Variants in OR3A2 observed in about 807,000 individuals in gnomAD.
OR3A2 encodes olfactory receptor 3A2.
For missense variants in OR3A2, 318 were observed against 392.8 expected (o/e 0.81, Z 1.61); for synonymous variants, 126 against 159.3 (o/e 0.79, Z 1.57).
At chr17:3,313,480 G>C (rs1462125290) in intron 3 of OR3A2, among the ~76,000 whole-genome samples, 1 of 152,168 alleles carries the variant, frequency 6.6e-6, no homozygotes, top group African/African-American at 2.4e-5. Flanking sequence ...TGTCTACACT[G>C]CCCCATTAAT....
At position 3,360,773 on chromosome 17, in the gene OR3A2, C is replaced by T. The variant is rs572548309; in HGVS notation, c.-179+23031G>A. ...GAGGGCTCTGTTCTGTTCCATTGGT[C>T]TATATCTCTGTTTTGGTACTAGTAC... On this transcript the variant is annotated intron_variant, in intron 2 of 4. Coordinates refer to the OR3A2 transcript ENST00000573491. 3.5e-4 allele frequency among the ~76,000 whole-genome samples: 53 copies of T among 151,628 alleles called. 3 individuals are homozygous for T. Among genetic ancestry groups the T allele is most frequent in the African/African-American group, 1.3e-3 (53 of 40,982 alleles).
At chr17:3,318,554 TG>T (rs1355990522) in intron 3 of OR3A2, among the ~76,000 whole-genome samples, 64 of 152,204 alleles carry the variant, frequency 4.2e-4, no homozygotes, top group Non-Finnish European at 4.4e-5. Flanking sequence ...AGAACTTCCT[TG>T]TTCTTCCACT....
At chr17:3,310,635 C>T (rs1209703153) in intron 3 of OR3A2, 2 of 541,728 alleles carry the variant, frequency 3.7e-6, no homozygotes, top group Non-Finnish European at 7.6e-6. Flanking sequence ...CTTCTTCCAC[C>T]TCCTGGCTGG....
chr17:3,363,081 A>C (rs231433), intron 2 of OR3A2, among the ~76,000 whole-genome samples: 62,424 of 151,082 alleles, frequency 0.41, 13,544 homozygotes, highest in Admixed American at 0.52. Flanking sequence ...GAGGCTGTGA[A>C]GAAGATCTCT....
chr17:3,284,846 T>C (rs2048798204), upstream of OR3A2, among the ~76,000 whole-genome samples: 1 of 146,694 alleles, frequency 6.8e-6, no homozygotes, highest in Non-Finnish European at 1.5e-5. Context: ...TTCCCAGATA[T>C]CAACCAGGGC....
At chr17:3,362,412 T>A (rs1240199454) in intron 2 of OR3A2, among the ~76,000 whole-genome samples, 1 of 151,720 alleles carries the variant, frequency 6.6e-6, no homozygotes, top group African/African-American at 2.4e-5. Flanking sequence ...TGTGTCTCTA[T>A]CTCCTTCTGT....
chr17:3,373,836 C>T (rs546471000), intron 2 of OR3A2, among the ~76,000 whole-genome samples: 150 of 152,174 alleles, frequency 9.9e-4, no homozygotes, highest in Non-Finnish European at 2.1e-3. Context: ...GTTCATCATG[C>T]TCATTGTTCC....
chr17:3,338,002 G>A (rs536026035), intron 2 of OR3A2, among the ~76,000 whole-genome samples: 2 of 152,202 alleles, frequency 1.3e-5, no homozygotes, highest in African/African-American at 2.4e-5. Flanking sequence ...TTGTGGTTTT[G>A]ATTTGCATTT....
intron 3 of OR3A2, among the ~76,000 whole-genome samples, chr17:3,306,679 C>CAAAAAAAAA (rs71153340): frequency 1.0e-4 from 11 of 109,286 alleles, no homozygotes; most frequent in Non-Finnish European, 1.5e-4. Context: ...TACTACTCTT[C>CAAAAAAAAA]AAAAAAAAAA....
chr17:3,278,248 C>A (rs748048838), exon 2 of OR3A2: 1 of 1,614,194 alleles, frequency 6.2e-7, no homozygotes, highest in East Asian at 2.2e-5. Flanking sequence ...GCAGCTGCCA[C>A]GTGGCTGTAG....
At chr17:3,318,515 C>A (rs975346779) in intron 3 of OR3A2, among the ~76,000 whole-genome samples, 3 of 152,322 alleles carry the variant, frequency 2.0e-5, no homozygotes, top group South Asian at 4.1e-4. Flanking sequence ...CTTATCGAGA[C>A]CGCATTCCTC....
chr17:3,350,383 C>T (rs1438657163), intron 2 of OR3A2, among the ~76,000 whole-genome samples: 160 of 149,168 alleles, frequency 1.1e-3, no homozygotes, highest in Non-Finnish European at 1.6e-3. Context: ...TACAAACTAC[C>T]ATCAGAGAAT....
intron 2 of OR3A2, among the ~76,000 whole-genome samples, chr17:3,371,476 C>G (rs111838952): frequency 7.5e-6 from 1 of 132,926 alleles, no homozygotes; most frequent in Non-Finnish European, 1.6e-5. Flanking sequence ...GGGGGCTGAT[C>G]CCCCCACCTC....
intron 3 of OR3A2, among the ~76,000 whole-genome samples, chr17:3,289,815 G>C (rs1205224642): frequency 6.6e-6 from 1 of 152,162 alleles, no homozygotes; most frequent in Non-Finnish European, 1.5e-5. Context: ...CGGTCTTCTT[G>C]ACCCTGGAAG....
intron 3 of OR3A2, among the ~76,000 whole-genome samples, chr17:3,335,278 T>C (rs1036498313): frequency 2.0e-5 from 3 of 152,196 alleles, no homozygotes; most frequent in East Asian, 1.9e-4. Context: ...CTTGGTTAAC[T>C]TTTCCATAAA....
intron 3 of OR3A2, chr17:3,290,905 T>G (rs184262493): frequency 6.6e-6 from 1 of 152,350 alleles, no homozygotes; most frequent in Admixed American, 6.5e-5. Flanking sequence ...AATTCTTATC[T>G]TTTCAAAAAA....
intron 3 of OR3A2, among the ~76,000 whole-genome samples, chr17:3,326,551 T>C (rs935766265): frequency 6.9e-6 from 1 of 145,850 alleles, no homozygotes; most frequent in Non-Finnish European, 1.5e-5. Context: ...GTCTTTTTTT[T>C]TTCTTCTTTT....
intron 3 of OR3A2, among the ~76,000 whole-genome samples, chr17:3,330,701 A>G (rs1213327372): frequency 6.6e-6 from 1 of 151,874 alleles, no homozygotes; most frequent in Non-Finnish European, 1.5e-5. Flanking sequence ...TGGAGCATTT[A>G]GTCCATTTAC....
chr17:3,326,218 C>A (rs2049170508), intron 3 of OR3A2, among the ~76,000 whole-genome samples: 1 of 152,012 alleles, frequency 6.6e-6, no homozygotes, highest in Admixed American at 6.6e-5. Context: ...GATTCCATGT[C>A]TTTGCTATTA....
Sources: gnomAD v4.1 joint callset for allele counts (sites outside exome capture counted in the v4.1 genomes callset) on GRCh38, gnomAD v4.1.1 for gene constraint, MANE v1.5 for transcripts, NCBI Gene and HGNC (gene_info 2026-07-23, HGNC 2026-07-21) for gene names.